MAP3K3: variants seen among roughly 807,000 people sequenced by gnomAD.
MAP3K3 encodes the protein MAP/ERK kinase kinase 3.
Under a neutral mutation model 80.9 loss-of-function variants are expected in MAP3K3, and 12 were observed. That is an observed-to-expected ratio of 0.15 (90% CI 0.10 to 0.24). MAP3K3 has a LOEUF of 0.24. Among genes scored for constraint, MAP3K3 ranks in the 10% least tolerant of loss-of-function variants. The probability of loss-of-function intolerance (pLI) is 1.00; values close to 1 mark genes in which losing one functional copy is unlikely to be tolerated. For missense variants in MAP3K3, 596 were observed against 834.7 expected (o/e 0.71, Z 3.52); for synonymous variants, 272 against 307.1 (o/e 0.89, Z 1.19).
At position 63,685,567 on chromosome 17, in the gene MAP3K3, A is replaced by G. The variant is rs200191703; in HGVS notation, c.687A>G (p.Gln229=). 5.0e-6 allele frequency: 8 copies of G among 1,614,080 alleles called. No individual in the cohort carries two copies. The highest frequency in any genetic ancestry group is 1.7e-5 in the Admixed American group (1 of 60,006). The change falls in exon 8 of 16, where the codon CAA becomes CAG. Residue 229 remains glutamine (Q), a synonymous_variant. Coordinates refer to ENST00000361733, the MANE Select transcript of MAP3K3 (RefSeq NM_002401.5). ...SAENSLSGSC[Q]SLDRSADSPS... ...AAAATTCCTTGTCTGGAAGCTGCCA[A>G]TCCTTGGACAGGTCAGCAGACAGGT...
At chr17:63,677,926 A>G (rs2035251747) in intron 6 of MAP3K3, among the ~76,000 whole-genome samples, 1 of 152,168 alleles carries the variant, frequency 6.6e-6, no homozygotes, top group Non-Finnish European at 1.5e-5. Context: ...GCAGGCTGTC[A>G]TATTTCCTTG....
chr17:63,628,981 T>C (rs2034162505), intron 1 of MAP3K3, among the ~76,000 whole-genome samples: 1 of 152,176 alleles, frequency 6.6e-6, no homozygotes, highest in Non-Finnish European at 1.5e-5. Context: ...ACAGCAGCTT[T>C]GTGAAATGAT....
chr17:63,659,814 C>T (rs560061493), intron 5 of MAP3K3, among the ~76,000 whole-genome samples: 120 of 152,188 alleles, frequency 7.9e-4, no homozygotes, highest in Admixed American at 7.8e-3. Flanking sequence ...AGGCATGAGC[C>T]ACTGTGCCCG....
In MAP3K3 at chr17:63,689,796, G is replaced by T; in HGVS notation, c.1063+61G>T. 6.0e-6 allele frequency: 9 copies of T among 1,496,466 alleles called. No individual in the cohort carries two copies. The highest frequency in any genetic ancestry group is 8.1e-6 in the Non-Finnish European group (9 of 1,107,586). The allele number at this position is 1,496,466 out of a possible 1,614,324, so 92.7% of individuals were successfully genotyped here. On this transcript the variant is annotated intron_variant, in intron 11 of 15. Coordinates refer to ENST00000361733, the MANE Select transcript of MAP3K3 (RefSeq NM_002401.5). The surrounding 1 kb of genome is among the most constrained non-coding windows in gnomAD (Gnocchi z 4.3). ...AGGTGGTCTCAGACAAGCTACGGGG[G>T]CAAACAGCTGGGCCCCTGGGACCCT...
rs568373016 is a variant in MAP3K3, at chr17:63,622,966, G to A, written c.4+203G>A. ...GGGTTCTGGCTCCGCGGGGCGGCCC[G>A]GCCGGCAGAGCCCGCTCGGCAGCCC... On this transcript the variant is annotated intron_variant, in intron 1 of 15. Transcript: ENST00000361733. 1.7e-3 allele frequency among the ~76,000 whole-genome samples: 250 copies of A among 144,740 alleles called. 3 individuals carry two copies. Among genetic ancestry groups the A allele is most frequent in the South Asian group, 0.017 (74 of 4,322 alleles). 95.0% of individuals were successfully genotyped at this position (144,740 alleles called of 152,430 possible).
chr17:63,675,569 G>C (rs998112829), intron 6 of MAP3K3, among the ~76,000 whole-genome samples: 2 of 152,194 alleles, frequency 1.3e-5, no homozygotes, highest in Non-Finnish European at 2.9e-5. Context: ...TGCTTCTTTG[G>C]GTTAAGGAGG....
intron 2 of MAP3K3, among the ~76,000 whole-genome samples, chr17:63,645,198 G>A (rs2034517912): frequency 1.3e-5 from 2 of 152,162 alleles, no homozygotes; most frequent in Admixed American, 6.5e-5. Context: ...TAGACCTCGG[G>A]AGGCCGAGGC....
intron 6 of MAP3K3, among the ~76,000 whole-genome samples, chr17:63,680,465 C>G (rs1205152743): frequency 6.6e-6 from 1 of 152,106 alleles, no homozygotes; most frequent in Non-Finnish European, 1.5e-5. Context: ...AAAATTGGCT[C>G]TTCTGGTTTG....
chr17:63,688,779 T>C lies in MAP3K3; in HGVS notation c.779-10T>C. On this transcript the variant is annotated splice_polypyrimidine_tract_variant and intron_variant, in intron 9 of 15. Transcript: ENST00000361733. Reference sequence around the variant, plus strand: ...TACCCAGAAGCCAGTGATTCCCCTGTCTTACTCAGATCGGGAAACTCAGCT... The same window carrying C: ...TACCCAGAAGCCAGTGATTCCCCTGCCTTACTCAGATCGGGAAACTCAGCT... 6.3e-7 allele frequency: 1 copy of C among 1,596,334 alleles called. No individual in the cohort carries two copies. The highest frequency in any genetic ancestry group is 8.6e-7 in the Non-Finnish European group (1 of 1,163,844).
chr17:63,670,601 A>AG (rs1317470362), intron 6 of MAP3K3, among the ~76,000 whole-genome samples: 14 of 149,696 alleles, frequency 9.4e-5, no homozygotes, highest in South Asian at 2.1e-4. Flanking sequence ...AAAAAAAAAA[A>AG]AAAAAAAGAA....
intron 2 of MAP3K3, chr17:63,637,155 G>T: frequency 3.8e-6 from 1 of 265,490 alleles, no homozygotes. Flanking sequence ...GTGTGCAAGT[G>T]TGTGAGGCCC....
intron 7 of MAP3K3, among the ~76,000 whole-genome samples, chr17:63,682,137 G>T (rs2035351083): frequency 1.3e-5 from 2 of 152,164 alleles, no homozygotes; most frequent in Admixed American, 1.3e-4. Flanking sequence ...GTTGGGTGAG[G>T]ATTTAACAGA....
At chr17:63,664,510 T>G (rs2034962191) in intron 5 of MAP3K3, among the ~76,000 whole-genome samples, 1 of 152,194 alleles carries the variant, frequency 6.6e-6, no homozygotes, top group Admixed American at 6.5e-5. Flanking sequence ...CATCGTTGAA[T>G]CCACTTGCCA....
chr17:63,632,436 G>A (rs2034235374), intron 1 of MAP3K3, among the ~76,000 whole-genome samples: 1 of 152,144 alleles, frequency 6.6e-6, no homozygotes, highest in Non-Finnish European at 1.5e-5. Flanking sequence ...AGGCTGCAGT[G>A]AGCTATGATC....
chr17:63,664,631 C>T (rs2034964201), intron 5 of MAP3K3, among the ~76,000 whole-genome samples: 1 of 152,148 alleles, frequency 6.6e-6, no homozygotes, highest in South Asian at 2.1e-4. Context: ...GGTAATTTTT[C>T]ATATTGTTTG....
At chr17:63,659,226 CTT>C (rs1478332724) in intron 5 of MAP3K3, among the ~76,000 whole-genome samples, 2 of 152,120 alleles carry the variant, frequency 1.3e-5, no homozygotes, top group African/African-American at 2.4e-5. Flanking sequence ...ACATGTTTCT[CTT>C]GAGTCGATAT....
At chr17:63,690,724 C>T in intron 12 of MAP3K3, 1 of 438,980 alleles carries the variant, frequency 2.3e-6, no homozygotes, top group Non-Finnish European at 4.2e-6. Context: ...CTCCCCAGCT[C>T]TCAGCCCAGG....
At chr17:63,634,804 A>G (rs779076693) in intron 2 of MAP3K3, 4 of 1,612,636 alleles carry the variant, frequency 2.5e-6, no homozygotes, top group South Asian at 2.2e-5. Context: ...AATTTTTGGT[A>G]AGGATCCAGA....
intron 5 of MAP3K3, among the ~76,000 whole-genome samples, chr17:63,661,214 G>A (rs2034884599): frequency 6.6e-6 from 1 of 152,092 alleles, no homozygotes; most frequent in African/African-American, 2.4e-5. Context: ...GCCCGGCTAA[G>A]TTTTGTATTT....
Sources: gnomAD v4.1 joint callset for allele counts (sites outside exome capture counted in the v4.1 genomes callset) on GRCh38, gnomAD v4.1.1 for gene constraint, Gnocchi (gnomAD v3.1) non-coding constraint, MANE v1.5 for transcripts, NCBI Gene and HGNC (gene_info 2026-07-23, HGNC 2026-07-21) for gene names.